The following TMTC2 variants were observed in gnomAD, a reference collection of about 807,000 sequenced individuals.
TMTC2 encodes the protein transmembrane O-mannosyltransferase targeting cadherins 2, also known as protein O-mannosyl-transferase TMTC2.
In TMTC2, 43 loss-of-function variants were observed where a neutral mutation model predicts 82.4. That is an observed-to-expected ratio of 0.52 (90% confidence interval 0.41 to 0.67). The LOEUF (loss-of-function observed/expected upper bound fraction) is 0.67. Ranked by LOEUF, TMTC2 falls within the 30% of genes least tolerant of loss-of-function variation. The pLI is 0.00. For synonymous variants in TMTC2, 408 were observed against 381.9 expected, an observed-to-expected ratio of 1.07 and a Z score of -0.80; for missense variants, 919 against 1,012.4, an observed-to-expected ratio of 0.91 and a Z score of 1.25.
intron 8 of TMTC2, among the ~76,000 whole-genome samples, chr12:82,996,630 T>C (rs1348081045): frequency 6.6e-6 from 1 of 152,194 alleles, no homozygotes; most frequent in Non-Finnish European, 1.5e-5. Context: ...GACTCTTTTG[T>C]CAGTTTGACA....
intron 8 of TMTC2, among the ~76,000 whole-genome samples, chr12:82,990,134 C>T (rs1332500088): frequency 1.3e-5 from 2 of 152,092 alleles, no homozygotes; most frequent in Non-Finnish European, 2.9e-5. Flanking sequence ...GAATTGGCTG[C>T]TAGTTTCAAG....
At chr12:83,111,003 G>A (rs546483815) in intron 11 of TMTC2, among the ~76,000 whole-genome samples, 1 of 152,214 alleles carries the variant, frequency 6.6e-6, no homozygotes, top group South Asian at 2.1e-4. Flanking sequence ...CCTTCCCATG[G>A]TCTTTCCCAT....
At chr12:83,104,880 T>C (rs528815879) in intron 11 of TMTC2, among the ~76,000 whole-genome samples, 2 of 152,348 alleles carry the variant, frequency 1.3e-5, no homozygotes, top group East Asian at 3.9e-4. Context: ...TATGCTCTGC[T>C]TCCTCTTTAA....
intron 1 of TMTC2, among the ~76,000 whole-genome samples, chr12:82,797,455 A>G (rs1878776241): frequency 6.6e-6 from 1 of 152,150 alleles, no homozygotes; most frequent in Non-Finnish European, 1.5e-5. Context: ...TTACAGAGAA[A>G]TGACCATGTA....
intron 11 of TMTC2, among the ~76,000 whole-genome samples, chr12:83,126,283 A>G (rs1885094476): frequency 6.6e-6 from 1 of 152,052 alleles, no homozygotes; most frequent in Non-Finnish European, 1.5e-5. Context: ...CAATTTCAGG[A>G]TTGTAGTTTT....
At chr12:83,118,554 G>A (rs1265407304) in intron 11 of TMTC2, among the ~76,000 whole-genome samples, 1 of 152,190 alleles carries the variant, frequency 6.6e-6, no homozygotes, top group African/African-American at 2.4e-5. Flanking sequence ...TTTTTGGTAT[G>A]TTGTTGGATT....
chr12:82,931,876 C>T (rs76998862), intron 4 of TMTC2, among the ~76,000 whole-genome samples: 125 of 152,180 alleles, frequency 8.2e-4, no homozygotes, highest in African/African-American at 2.6e-3. Context: ...AGTTCTGTGC[C>T]GTCTCTTGGT....
intron 2 of TMTC2, among the ~76,000 whole-genome samples, chr12:82,875,062 A>G (rs538304404): frequency 7.9e-5 from 12 of 152,310 alleles, no homozygotes; most frequent in East Asian, 7.7e-4. Context: ...GTTTACTACA[A>G]TTACTCAGCT....
chr12:82,858,057 A>T (rs772081041), intron 2 of TMTC2, among the ~76,000 whole-genome samples: 4 of 152,186 alleles, frequency 2.6e-5, no homozygotes, highest in Admixed American at 6.5e-5. Flanking sequence ...TGGGAAGTCA[A>T]ATTCTTAAAC....
chr12:82,938,431 T>C (rs1310940464), intron 4 of TMTC2, among the ~76,000 whole-genome samples: 1 of 152,126 alleles, frequency 6.6e-6, no homozygotes, highest in East Asian at 1.9e-4. Flanking sequence ...CCTACCAAGC[T>C]CCATAGTAGG....
intron 8 of TMTC2, among the ~76,000 whole-genome samples, chr12:83,004,955 C>T (rs1367599279): frequency 6.6e-6 from 1 of 150,804 alleles, no homozygotes; most frequent in African/African-American, 2.4e-5. Flanking sequence ...ACTTCGTGAC[C>T]AGCCTGGCCA....
Position 82,921,506 on chromosome 12 carries a change from C to A in TMTC2, c.1484-8925C>A, listed in dbSNP as rs143980385. Among the ~76,000 whole-genome samples the A allele has an allele frequency of 5.3e-4, 81 of 152,200 alleles. No individual in the cohort carries two copies. In the East Asian group the frequency reaches 0.015, roughly 28 times the overall value. ...TAAAATTTCTTCTTCATCTCCTTCT[C>A]CCCTTCCCATTCTTTCGCTCTCTTT... On this transcript the variant is annotated intron_variant, in intron 3 of 11. Coordinates refer to ENST00000321196, the MANE Select transcript of TMTC2 (RefSeq NM_152588.3).
chr12:82,953,163 G>A (rs1396206549), intron 4 of TMTC2, among the ~76,000 whole-genome samples: 4 of 152,182 alleles, frequency 2.6e-5, no homozygotes, highest in African/African-American at 7.2e-5. Flanking sequence ...GGGTAAGGGA[G>A]GAAGTGCGCT....
chr12:83,055,522 T>C (rs1882504579), intron 10 of TMTC2, among the ~76,000 whole-genome samples: 1 of 152,060 alleles, frequency 6.6e-6, no homozygotes, highest in South Asian at 2.1e-4. Flanking sequence ...TATAGCGTTA[T>C]GAGAAGAAAC....
chr12:83,064,412 AT>A (rs1416118281), intron 11 of TMTC2, among the ~76,000 whole-genome samples: 1 of 152,026 alleles, frequency 6.6e-6, no homozygotes, highest in Non-Finnish European at 1.5e-5. Flanking sequence ...GTTTATTCAA[AT>A]GATACTTTCC....
At chr12:82,850,678 T>C (rs1474846476) in intron 1 of TMTC2, among the ~76,000 whole-genome samples, 4 of 152,186 alleles carry the variant, frequency 2.6e-5, no homozygotes, top group African/African-American at 4.8e-5. Context: ...ATGCTTATTG[T>C]CTTTTTCAAA....
chr12:83,007,156 A>AT (rs1269950572), intron 8 of TMTC2, among the ~76,000 whole-genome samples: 1 of 150,936 alleles, frequency 6.6e-6, no homozygotes, highest in Non-Finnish European at 1.5e-5. Context: ...TGTTGTTGTT[A>AT]TTTTTCTATT....
intron 1 of TMTC2, among the ~76,000 whole-genome samples, chr12:82,781,821 T>G (rs1338715616): frequency 6.6e-6 from 1 of 151,710 alleles, no homozygotes; most frequent in East Asian, 1.9e-4. Flanking sequence ...GGCATTGTCC[T>G]GAGGGGCTGG....
intron 11 of TMTC2, among the ~76,000 whole-genome samples, chr12:83,090,978 A>G (rs765222465): frequency 5.3e-5 from 8 of 152,078 alleles, no homozygotes; most frequent in South Asian, 2.1e-4. Context: ...CACTTACATA[A>G]TTTTAGGGTA....
Sources: allele counts gnomAD v4.1 joint callset (sites outside exome capture counted in the v4.1 genomes callset), GRCh38; gene constraint gnomAD v4.1.1; transcripts MANE v1.5; gene names NCBI Gene and HGNC (gene_info 2026-07-23, HGNC 2026-07-21).